The following CLPTM1 variants were observed in gnomAD, a reference collection of about 807,000 sequenced individuals.
The protein encoded by CLPTM1 is putative lipid scramblase CLPTM1.
A neutral mutation model predicts 77.3 loss-of-function variants in CLPTM1; 21 were observed. The observed-to-expected ratio is 0.27, with a 90% CI of 0.19 to 0.39. CLPTM1 has a LOEUF of 0.39. CLPTM1 is among the 10% of genes least tolerant of loss of function. The probability of loss-of-function intolerance (pLI) is 1.00; values close to 1 mark genes in which losing one functional copy is unlikely to be tolerated. For synonymous variants in CLPTM1, 373 were observed against 381.0 expected (o/e 0.98, Z 0.24); for missense variants, 642 against 921.2 (o/e 0.70, Z 3.92).
intron 1 of CLPTM1, chr19:44,955,953 G>C (rs377435410): frequency 6.4e-6 from 1 of 155,280 alleles, no homozygotes; most frequent in Admixed American, 6.5e-5. Flanking sequence ...TGAGACTAAG[G>C]CGCTTCTAGA....
At chr19:44,969,047 T>G (rs1970678219) in intron 2 of CLPTM1, among the ~76,000 whole-genome samples, 1 of 152,168 alleles carries the variant, frequency 6.6e-6, no homozygotes, top group Non-Finnish European at 1.5e-5. Context: ...TAGAATTTAC[T>G]CATAGTGTTT....
At chr19:44,955,511 G>T in intron 1 of CLPTM1, 44 bp downstream of exon 1, 1 of 1,265,570 alleles carries the variant, frequency 7.9e-7, no homozygotes. Flanking sequence ...TCCCCAGCCG[G>T]GGGGCCTCCC....
At chr19:44,971,221 CTATT>C (rs1359356430) in intron 2 of CLPTM1, among the ~76,000 whole-genome samples, 1 of 152,068 alleles carries the variant, frequency 6.6e-6, no homozygotes, top group East Asian at 1.9e-4. Context: ...TCAGAGCTGT[CTATT>C]TATATATATT....
rs1304684170 is a variant in CLPTM1 at position 44,986,534 on chromosome 19, C to T, written c.752C>T (p.Thr251Met). ...ACCATCAACATCGTGGACGACCACA[C>T]GCCGTGGGTGAAGGGCAGTGTGCCC... ...NITINIVDDH[T>M]PWVKGSVPPP... The change falls in exon 7 of 14, where the codon ACG becomes ATG. Residue 251 changes from threonine (T) to methionine (M), a missense_variant. Coordinates refer to ENST00000337392, the MANE Select transcript of CLPTM1 (RefSeq NM_001294.4). The T allele has an allele frequency of 6.2e-7, 1 of 1,614,070 alleles. No homozygotes were observed. Among genetic ancestry groups the T allele is most frequent in the Non-Finnish European group, 8.5e-7 (1 of 1,180,000 alleles).
rs1334878823 is a variant in CLPTM1 at position 44,992,743 on chromosome 19, G to C, written c.1856G>C (p.Gly619Ala). 2.5e-6 allele frequency: 4 copies of C among 1,612,710 alleles called. No homozygotes were observed. In the Admixed American group the frequency reaches 6.7e-5, roughly 27 times the overall value. The change falls in exon 14 of 14, where the codon GGG becomes GCG. Residue 619 changes from glycine to alanine, a missense_variant. By Grantham distance (60) the Gly-to-Ala change is moderately conservative. Transcript: ENST00000337392. This position sits in a 1 kb window ranked among gnomAD's most constrained non-coding sequence, Gnocchi z 7.7. ...APVAEVPTAA[G>A]ALTPTPAPTT... Reference sequence around the variant, plus strand: ...GTGGCCGAGGTTCCCACAGCAGCAGGGGCCCTCACGCCCACACCTGCACCC... The same window carrying C: ...GTGGCCGAGGTTCCCACAGCAGCAGCGGCCCTCACGCCCACACCTGCACCC...
intron 7 of CLPTM1, chr19:44,986,937 G>C (rs914815192): frequency 8.9e-6 from 5 of 564,636 alleles, no homozygotes; most frequent in South Asian, 2.4e-5. Flanking sequence ...CACCCACAGG[G>C]CAGCCGTGGG....
chr19:44,977,199 G>A (rs1021349579), intron 4 of CLPTM1, 144 bp from the exon 5 acceptor site: 1 of 680,856 alleles, frequency 1.5e-6, no homozygotes, highest in Non-Finnish European at 2.6e-6. Flanking sequence ...CTGCCACCCA[G>A]CTACATGCCC....
intron 5 of CLPTM1, among the ~76,000 whole-genome samples, chr19:44,982,571 G>A (rs1455151602): frequency 2.0e-5 from 3 of 152,188 alleles, no homozygotes; most frequent in Non-Finnish European, 4.4e-5. Flanking sequence ...TTCTTTGCCT[G>A]AGCCAAAGCC....
intron 1 of CLPTM1, among the ~76,000 whole-genome samples, chr19:44,959,038 GAAATCCTA>G (rs1287305483): frequency 6.6e-6 from 1 of 152,158 alleles, no homozygotes; most frequent in Non-Finnish European, 1.5e-5. Flanking sequence ...GGCCTTTGGG[GAAATCCTA>G]AAGTACGTGC....
chr19:44,985,401 C>A (rs1970962008), intron 6 of CLPTM1, 98 bp downstream of exon 6: 3 of 828,760 alleles, frequency 3.6e-6, no homozygotes, highest in Admixed American at 4.3e-5. Context: ...CACCACTGAA[C>A]CACCATGCCG....
Position 44,990,124 on chromosome 19 carries a change from CCGTCACCAT to C in CLPTM1, c.1133-269_1133-261del, listed in dbSNP as rs1409891279. 1 of 473,610 alleles carries C rather than the reference CCGTCACCAT, an allele frequency of 2.1e-6. No individual in the cohort carries two copies. The allele number at this position is 473,610 out of a possible 1,614,324, so 29.3% of individuals were successfully genotyped here. ...TGAGCCCTGTCCATGGCACCAGTCA[CCGTCACCAT>C]CAGTCAAGGGACTGCACCTTGGGGT... On this transcript the variant is annotated intron_variant, in intron 9 of 13. Coordinates refer to ENST00000337392, the MANE Select transcript of CLPTM1 (RefSeq NM_001294.4). The surrounding 1 kb of genome is among the most constrained non-coding windows in gnomAD (Gnocchi z 4.8).
rs1427902102 is a variant in CLPTM1, at chr19:44,985,369, C to T, written c.672+66C>T. On this transcript the variant is annotated intron_variant, in intron 6 of 13. Transcript: ENST00000337392. Reference sequence around the variant, plus strand: ...AGGCCATTCACAGCTCATCCCAGACCACTGGGGCTGTCATCTGTCACCACC... The same window carrying T: ...AGGCCATTCACAGCTCATCCCAGACTACTGGGGCTGTCATCTGTCACCACC... The T allele has an allele frequency of 3.6e-6, 4 of 1,108,740 alleles. No individual in the cohort carries two copies. The African/African-American group carries it at 6.1e-5, about 17-fold the overall frequency. 68.7% of individuals were successfully genotyped at this position (1,108,740 alleles called of 1,614,324 possible).
At chr19:44,962,147 C>A in intron 2 of CLPTM1, 72 bp downstream of exon 2, 2 of 911,474 alleles carry the variant, frequency 2.2e-6, no homozygotes, top group Non-Finnish European at 3.3e-6. Context: ...GAAAAGTCAG[C>A]TGATCAGCTG....
upstream of CLPTM1, chr19:44,955,029 A>C (rs1422004581): frequency 1.3e-6 from 2 of 1,535,636 alleles, no homozygotes; most frequent in East Asian, 2.4e-5. Flanking sequence ...AAAGGACGCG[A>C]AGAATCGGCA....
chr19:44,979,304 C>T (rs955130644), intron 5 of CLPTM1, among the ~76,000 whole-genome samples: 1 of 152,022 alleles, frequency 6.6e-6, no homozygotes, highest in African/African-American at 2.4e-5. Context: ...TGAGCTTTTT[C>T]CCTGAGTCCT....
intron 1 of CLPTM1, among the ~76,000 whole-genome samples, chr19:44,958,851 A>G (rs1970502616): frequency 6.6e-6 from 1 of 152,244 alleles, no homozygotes. Flanking sequence ...AGGCAGCCAC[A>G]GAGGTGCTAT....
chr19:44,978,838 A>G (rs1970846873), intron 5 of CLPTM1, among the ~76,000 whole-genome samples: 1 of 151,186 alleles, frequency 6.6e-6, no homozygotes, highest in Non-Finnish European at 1.5e-5. Flanking sequence ...ACTAGAGTAC[A>G]TCAGTAGTCC....
At chr19:44,973,746 G>A (rs541965305) in intron 3 of CLPTM1, among the ~76,000 whole-genome samples, 1 of 144,490 alleles carries the variant, frequency 6.9e-6, no homozygotes, top group Non-Finnish European at 1.5e-5. Context: ...GGAAGTTCTT[G>A]TTGGGTCACA....
At chr19:44,957,927 T>A (rs1970488057) in intron 1 of CLPTM1, among the ~76,000 whole-genome samples, 1 of 152,170 alleles carries the variant, frequency 6.6e-6, no homozygotes, top group African/African-American at 2.4e-5. Flanking sequence ...GCCCTTACAC[T>A]TATGTTCTAG....
Sources: gnomAD v4.1 joint callset for allele counts (sites outside exome capture counted in the v4.1 genomes callset) on GRCh38, gnomAD v4.1.1 for gene constraint, Gnocchi (gnomAD v3.1) non-coding constraint, MANE v1.5 for transcripts, NCBI Gene and HGNC (gene_info 2026-07-23, HGNC 2026-07-21) for gene names.